Variants in KCNH5 observed in about 807,000 individuals in gnomAD.
KCNH5 encodes the protein voltage-gated delayed rectifier potassium channel KCNH5.
Under a neutral mutation model 96.1 loss-of-function variants are expected in KCNH5, and 46 were observed. The ratio of observed to expected loss-of-function variants is 0.48; its 90% CI spans 0.38 to 0.61. The LOEUF (loss-of-function observed/expected upper bound fraction) is 0.61, where lower values mean the gene tolerates loss of function less well. Among genes scored for constraint, KCNH5 ranks in the 20% least tolerant of loss-of-function variants. KCNH5 has a pLI of 0.00. For synonymous variants in KCNH5, 439 were observed against 449.8 expected (o/e 0.98, Z 0.30); for missense variants, 907 against 1,225.8 (o/e 0.74, Z 3.88).
chr14:62,793,497 G>C (rs1229706571), intron 9 of KCNH5, among the ~76,000 whole-genome samples: 1 of 151,780 alleles, frequency 6.6e-6, no homozygotes, highest in Non-Finnish European at 1.5e-5. Flanking sequence ...ATGTGTATGA[G>C]TATGGGCAGT....
intron 7 of KCNH5, among the ~76,000 whole-genome samples, chr14:62,908,338 C>T (rs183979093): frequency 3.3e-5 from 5 of 152,214 alleles, no homozygotes; most frequent in South Asian, 2.1e-4. Context: ...ACATGACAGA[C>T]GGATACGTCT....
intron 8 of KCNH5, among the ~76,000 whole-genome samples, chr14:62,843,763 T>C (rs1887636464): frequency 6.6e-6 from 1 of 152,186 alleles, no homozygotes; most frequent in Non-Finnish European, 1.5e-5. Flanking sequence ...CTTACAAGAC[T>C]AGTGCCTTTG....
At chr14:62,753,416 A>G (rs1595607334) in intron 10 of KCNH5, among the ~76,000 whole-genome samples, 1 of 152,298 alleles carries the variant, frequency 6.6e-6, no homozygotes, top group East Asian at 1.9e-4. Context: ...AGACAGAGGA[A>G]TAGAAAATTT....
At chr14:62,851,444 A>G (rs1472501919) in intron 7 of KCNH5, among the ~76,000 whole-genome samples, 1 of 150,892 alleles carries the variant, frequency 6.6e-6, no homozygotes, top group Non-Finnish European at 1.5e-5. Context: ...GTATCCTGAG[A>G]TCTTGATTCT....
chr14:62,783,930 T>A (rs561476926), intron 9 of KCNH5, among the ~76,000 whole-genome samples: 1 of 152,090 alleles, frequency 6.6e-6, no homozygotes, highest in South Asian at 2.1e-4. Context: ...AGAAATCTAC[T>A]TTATCTTCTT....
chr14:63,001,356 CTGTT>C lies in KCNH5; in HGVS notation c.404_407del (p.Lys135SerfsTer3). ...CTTTTGTTGAATCATCCTCTATTGG[CTGTT>C]TGAACAACGTAATATCCTTGAAAGT... On this transcript the variant is annotated frameshift_variant, in exon 4 of 11. Coordinates refer to ENST00000322893, the MANE Select transcript of KCNH5 (RefSeq NM_139318.5). LOFTEE classifies it high-confidence loss of function. The C allele has an allele frequency of 6.2e-7, 1 of 1,609,946 alleles. No homozygotes were observed. The highest frequency in any genetic ancestry group is 8.5e-7 in the Non-Finnish European group (1 of 1,178,340).
chr14:62,720,013 G>A (rs968762354), intron 10 of KCNH5, among the ~76,000 whole-genome samples: 3 of 152,166 alleles, frequency 2.0e-5, no homozygotes, highest in African/African-American at 7.2e-5. Context: ...GATGTCTGAC[G>A]GTGAAGGGGG....
At chr14:62,797,513 T>C (rs957030791) in intron 9 of KCNH5, among the ~76,000 whole-genome samples, 1 of 152,166 alleles carries the variant, frequency 6.6e-6, no homozygotes, top group African/African-American at 2.4e-5. Context: ...TTTTAAGGAT[T>C]TAAACTGTGA....
chr14:62,807,958 G>A (rs1298877080), intron 8 of KCNH5, among the ~76,000 whole-genome samples: 2 of 152,124 alleles, frequency 1.3e-5, no homozygotes, highest in African/African-American at 4.8e-5. Context: ...AAGGCCTAGG[G>A]ACGTGTGGAG....
chr14:62,886,445 T>C (rs1250313316), intron 7 of KCNH5, among the ~76,000 whole-genome samples: 1 of 152,310 alleles, frequency 6.6e-6, no homozygotes, highest in East Asian at 1.9e-4. Flanking sequence ...TTAATGGCTG[T>C]ACTGAACTAA....
At chr14:62,763,067 T>TA in intron 10 of KCNH5, among the ~76,000 whole-genome samples, 1 of 152,264 alleles carries the variant, frequency 6.6e-6, no homozygotes, top group Middle Eastern at 3.4e-3. Context: ...CAGAACACTC[T>TA]ACCCAACAAC....
intron 7 of KCNH5, among the ~76,000 whole-genome samples, chr14:62,857,603 T>C (rs576321673): frequency 1.6e-4 from 24 of 152,300 alleles, no homozygotes; most frequent in Admixed American, 1.4e-3. Context: ...TGATGTTCAA[T>C]GGCAGGAAGC....
chr14:62,806,925 G>A (rs1043726885), intron 8 of KCNH5, among the ~76,000 whole-genome samples: 2 of 152,126 alleles, frequency 1.3e-5, no homozygotes, highest in African/African-American at 2.4e-5. Context: ...AGGATTGTGG[G>A]ATATGGGGAG....
At chr14:62,998,575 C>T (rs1308316890) in intron 4 of KCNH5, among the ~76,000 whole-genome samples, 1 of 152,046 alleles carries the variant, frequency 6.6e-6, no homozygotes, top group South Asian at 2.1e-4. Flanking sequence ...TTCTTCTTTT[C>T]TAATATATGC....
In KCNH5 at chr14:62,817,290, C is replaced by T. The variant is rs142670273; in HGVS notation, c.1570-14709G>A. On this transcript the variant is annotated intron_variant, in intron 8 of 10. Transcript: ENST00000322893. ...TATATATATACACACACACACAACT[C>T]GGAGACATCAGAAAAGTAATACGTG... Among the ~76,000 whole-genome samples the T allele has an allele frequency of 8.4e-3, 1,085 of 129,290 alleles. 9 individuals are homozygous for T. Among genetic ancestry groups the T allele is most frequent in the Middle Eastern group, 0.021 (5 of 234 alleles). The allele number at this position is 129,290 out of a possible 152,430, so 84.8% of individuals were successfully genotyped here. A position where few individuals can be genotyped will look rare whatever the true frequency, so the allele number is the denominator to read the frequency against.
chr14:62,787,130 C>A (rs968689353), intron 9 of KCNH5, among the ~76,000 whole-genome samples: 3 of 152,178 alleles, frequency 2.0e-5, no homozygotes, highest in African/African-American at 7.2e-5. Context: ...AGGCCTCTTG[C>A]ACCAAACAGC....
At chr14:62,972,212 G>C (rs956898820) in intron 6 of KCNH5, among the ~76,000 whole-genome samples, 1 of 152,104 alleles carries the variant, frequency 6.6e-6, no homozygotes, top group African/African-American at 2.4e-5. Context: ...ATTCCTATGA[G>C]AATTAAGCAT....
intron 10 of KCNH5, among the ~76,000 whole-genome samples, chr14:62,713,958 CA>C (rs1415837626): frequency 1.3e-5 from 2 of 152,038 alleles, no homozygotes; most frequent in Non-Finnish European, 2.9e-5. Context: ...TGAGTATTCT[CA>C]AATTAATTCT....
chr14:62,768,242 T>C (rs908003888), intron 10 of KCNH5, among the ~76,000 whole-genome samples: 2 of 152,228 alleles, frequency 1.3e-5, no homozygotes, highest in East Asian at 1.9e-4. Context: ...AAAGAAAAAG[T>C]AAAACAAGGC....
Sources: allele counts gnomAD v4.1 joint callset (sites outside exome capture counted in the v4.1 genomes callset), GRCh38; gene constraint gnomAD v4.1.1; transcripts MANE v1.5; gene names NCBI Gene and HGNC (gene_info 2026-07-23, HGNC 2026-07-21).